Variants in PITPNM2 observed in about 807,000 individuals in gnomAD.
PITPNM2 encodes the protein phosphatidylinositol transfer protein membrane associated 2.
A neutral mutation model predicts 132.2 loss-of-function variants in PITPNM2; 35 were observed. The observed-to-expected ratio is 0.26, with a 90% CI of 0.20 to 0.35. PITPNM2 has a LOEUF of 0.35. PITPNM2 is among the 10% of genes least tolerant of loss of function. PITPNM2 has a pLI of 1.00. For missense variants in PITPNM2, 1,332 were observed against 1,912.0 expected (o/e 0.70, Z 5.66); for synonymous variants, 738 against 799.2 (o/e 0.92, Z 1.29).
rs1366961100 is a variant in PITPNM2 at position 123,023,363 on chromosome 12, G to A, written c.79-9321C>T. 6.6e-6 allele frequency among the ~76,000 whole-genome samples: 1 copy of A among 152,244 alleles called. No individual in the cohort carries two copies. The highest frequency in any genetic ancestry group is 1.5e-5 in the Non-Finnish European group (1 of 68,032). ...TGGATTCAGGGCTCTTCTGGGTGGA[G>A]CAGAAGGTGCACGTGACCAGAGCCA... On this transcript the variant is annotated intron_variant, in intron 3 of 25. Transcript: ENST00000320201. This position sits in a 1 kb window ranked among gnomAD's most constrained non-coding sequence, Gnocchi z 4.8.
intron 10 of PITPNM2, among the ~76,000 whole-genome samples, chr12:122,997,818 GCAGCC>G (rs756811573): frequency 2.6e-5 from 4 of 152,168 alleles, no homozygotes; most frequent in Non-Finnish European, 5.9e-5. Context: ...TCCTCCTCCT[GCAGCC>G]CTGCTCCTGT....
rs147957386 is a variant in PITPNM2 at position 123,020,557 on chromosome 12, C to T, written c.79-6515G>A. Among the ~76,000 whole-genome samples the T allele has an allele frequency of 3.5e-4, 54 of 152,292 alleles. No homozygotes were observed. In the East Asian group the frequency reaches 9.3e-3, roughly 26 times the overall value. On this transcript the variant is annotated intron_variant, in intron 3 of 25. Coordinates refer to ENST00000320201, the MANE Select transcript of PITPNM2 (RefSeq NM_020845.3). Reference sequence around the variant, plus strand: ...GAGATCCCCTGGCATGGGCAGCTGCCCACAGGGGTGTTCTTTCCTGGGTTT... The same window carrying T: ...GAGATCCCCTGGCATGGGCAGCTGCTCACAGGGGTGTTCTTTCCTGGGTTT...
intron 1 of PITPNM2, among the ~76,000 whole-genome samples, chr12:123,139,865 G>C (rs1011317941): frequency 6.6e-6 from 1 of 152,126 alleles, no homozygotes; most frequent in Non-Finnish European, 1.5e-5. Context: ...ACTTTTCCAG[G>C]TATGACTTAT....
chr12:123,032,580 G>A (rs2040131917), intron 3 of PITPNM2, among the ~76,000 whole-genome samples: 1 of 152,202 alleles, frequency 6.6e-6, no homozygotes, highest in South Asian at 2.1e-4. Flanking sequence ...GGGATCTCCT[G>A]GGGGCTGGAG....
Position 122,990,645 on chromosome 12 carries a change from A to C in PITPNM2, c.2469T>G (p.Thr823=). Residue 823 remains threonine, a synonymous_variant, in exon 17 of 26, where the codon ACT becomes ACG. Coordinates refer to ENST00000320201, the MANE Select transcript of PITPNM2 (RefSeq NM_020845.3). ...QEHGAPSSPG[T]APASRGFRRA... ...GGCGGAAGCCACGACTGGCAGGGGC[A>C]GTGCCCGGCGAGGAGGGGGCGCCAT... The C allele has an allele frequency of 1.2e-6, 2 of 1,612,054 alleles. No individual in the cohort carries two copies. The highest frequency in any genetic ancestry group is 1.7e-6 in the Non-Finnish European group (2 of 1,179,944).
At chr12:123,071,302 G>A (rs773288287) in intron 2 of PITPNM2, among the ~76,000 whole-genome samples, 70 of 152,228 alleles carry the variant, frequency 4.6e-4, no homozygotes, top group Middle Eastern at 3.2e-3. Flanking sequence ...TGGCACTGCA[G>A]CCATATCCAA....
At chr12:123,086,977 C>T (rs539200666) in intron 2 of PITPNM2, among the ~76,000 whole-genome samples, 19 of 152,356 alleles carry the variant, frequency 1.2e-4, no homozygotes, top group African/African-American at 4.6e-4. Context: ...AGCCCAGCCA[C>T]TGTGATTAGC....
chr12:123,133,930 C>T (rs1003998133), intron 1 of PITPNM2, among the ~76,000 whole-genome samples: 2 of 152,196 alleles, frequency 1.3e-5, no homozygotes, highest in African/African-American at 2.4e-5. Flanking sequence ...GATACGCCCA[C>T]CTTGGCCTCC....
intron 1 of PITPNM2, among the ~76,000 whole-genome samples, chr12:123,118,909 C>T (rs1316909195): frequency 6.6e-6 from 1 of 152,190 alleles, no homozygotes; most frequent in Non-Finnish European, 1.5e-5. Flanking sequence ...ATGGCCCTTC[C>T]GCAAATACTG....
At chr12:122,995,269 G>T in intron 14 of PITPNM2, 120 bp downstream of exon 14, 2 of 1,399,336 alleles carry the variant, frequency 1.4e-6, no homozygotes, top group Non-Finnish European at 1.9e-6. Context: ...CAGGTCTCAG[G>T]CTGGGGGAAC....
intron 3 of PITPNM2, among the ~76,000 whole-genome samples, chr12:123,030,715 A>G (rs992182958): frequency 2.6e-5 from 4 of 152,066 alleles, no homozygotes; most frequent in African/African-American, 4.8e-5. Flanking sequence ...AAGAAAACAG[A>G]TATTTGTATG....
Position 123,031,115 on chromosome 12 carries a change from TA to T in PITPNM2, c.78+3397del, listed in dbSNP as rs2040072689. 1.3e-5 allele frequency among the ~76,000 whole-genome samples: 2 copies of T among 152,214 alleles called. No individual in the cohort carries two copies. Among genetic ancestry groups the T allele is most frequent in the Non-Finnish European group, 2.9e-5 (2 of 68,034 alleles). On this transcript the variant is annotated intron_variant, in intron 3 of 25. Transcript: ENST00000320201. The surrounding 1 kb of genome is among the most constrained non-coding windows in gnomAD (Gnocchi z 4.5). The stretch of plus-strand genomic sequence containing the variant: ...ACTAAATGCCACTGAATTGTTCACT[TA>T]AAAATGGTTGTTAATGTTTTGTGAA...
intron 3 of PITPNM2, among the ~76,000 whole-genome samples, chr12:123,029,415 A>T (rs2039990013): frequency 6.6e-6 from 1 of 152,180 alleles, no homozygotes; most frequent in African/African-American, 2.4e-5. Flanking sequence ...GCGAAAGCCC[A>T]TCTCTACTAA....
intron 2 of PITPNM2, among the ~76,000 whole-genome samples, chr12:123,107,643 C>A (rs2042750094): frequency 6.6e-6 from 1 of 152,220 alleles, no homozygotes; most frequent in African/African-American, 2.4e-5. Flanking sequence ...CACCCCATGA[C>A]TCTCGCTACC....
Position 122,996,607 on chromosome 12 carries a change from C to T in PITPNM2, c.1663-30G>A, listed in dbSNP as rs1191399881. ...GGAGAGAGGGGCCAGAGGCCTGAGC[C>T]ATTCACCCGCTCGCTGGACTATAGG... On this transcript the variant is annotated intron_variant, in intron 12 of 25. Coordinates refer to ENST00000320201, the MANE Select transcript of PITPNM2 (RefSeq NM_020845.3). The T allele has an allele frequency of 3.1e-6, 5 of 1,612,624 alleles. No individual in the cohort carries two copies. In the East Asian group the frequency reaches 8.9e-5, roughly 29 times the overall value.
intron 19 of PITPNM2, among the ~76,000 whole-genome samples, 182 bp downstream of exon 19, chr12:122,988,542 C>T (rs1001876320): frequency 1.3e-5 from 2 of 152,160 alleles, no homozygotes; most frequent in Non-Finnish European, 2.9e-5. Flanking sequence ...AGATATGTTC[C>T]CTCCATCCCA....
chr12:123,057,088 A>G (rs973022641), intron 2 of PITPNM2, among the ~76,000 whole-genome samples: 1 of 152,126 alleles, frequency 6.6e-6, no homozygotes, highest in Admixed American at 6.5e-5. Flanking sequence ...CAGGTTAAAA[A>G]TCTAAATTCA....
intron 3 of PITPNM2, chr12:123,034,267 G>C (rs1008285779): frequency 1.9e-6 from 1 of 515,880 alleles, no homozygotes; most frequent in Non-Finnish European, 3.5e-6. Context: ...GCAAGGGCAA[G>C]TGTTCGCGTT....
rs1431291823 is a variant in PITPNM2, at chr12:123,150,754, C to A, written c.-201G>T. On this transcript the variant is annotated splice_region_variant and 5_prime_UTR_variant, in exon 1 of 26. Transcript: ENST00000320201. The surrounding 1 kb of genome is among the most constrained non-coding windows in gnomAD (Gnocchi z 6.0). ...GAGCGGCCGCCCGGACGCACTCACC[C>A]CGCTCGGCGCGGCCGCGGGCTCTGT... is the stretch of plus-strand genomic sequence containing the variant. 1.3e-5 allele frequency among the ~76,000 whole-genome samples: 2 copies of A among 150,108 alleles called. No individual in the cohort carries two copies. The highest frequency in any genetic ancestry group is 1.3e-4 in the Admixed American group (2 of 15,088).
Sources: gnomAD v4.1 joint callset for allele counts (sites outside exome capture counted in the v4.1 genomes callset) on GRCh38, gnomAD v4.1.1 for gene constraint, Gnocchi (gnomAD v3.1) non-coding constraint, MANE v1.5 for transcripts, NCBI Gene and HGNC (gene_info 2026-07-23, HGNC 2026-07-21) for gene names.